The following AGPAT4 variants were observed in gnomAD, a reference collection of about 807,000 sequenced individuals.
The protein encoded by AGPAT4 is 1-acylglycerol-3-phosphate O-acyltransferase 4.
In AGPAT4, 15 loss-of-function variants were observed where a neutral mutation model predicts 48.0. The ratio of observed to expected loss-of-function variants is 0.31; its 90% CI spans 0.21 to 0.48. AGPAT4 has a LOEUF of 0.48. AGPAT4 is among the 20% of genes least tolerant of loss of function. AGPAT4 has a pLI of 0.99. For synonymous variants in AGPAT4, 178 were observed against 198.7 expected (o/e 0.90, Z 0.88); for missense variants, 314 against 482.5 (o/e 0.65, Z 3.27).
At position 161,134,447 on chromosome 6, in the gene AGPAT4, TGA is replaced by T. The variant is rs889538848; in HGVS notation, c.*2091_*2092del. 12 of 152,198 alleles carry T rather than the reference TGA, an allele frequency of 7.9e-5. No individual in the cohort carries two copies. The highest frequency in any genetic ancestry group is 2.9e-4 in the African/African-American group (12 of 41,448). 9.4% of individuals were successfully genotyped at this position (152,198 alleles called of 1,614,324 possible). A position where few individuals can be genotyped will look rare whatever the true frequency, so the allele number is the denominator to read the frequency against. On this transcript the variant is annotated 3_prime_UTR_variant, in exon 9 of 9. Coordinates refer to ENST00000320285, the MANE Select transcript of AGPAT4 (RefSeq NM_020133.3). ...CGACAAGAAAATTTCTGAGCATTTT[TGA>T]GAGTAGCAACATAGAGGCAGCTTTC...
intron 1 of AGPAT4, among the ~76,000 whole-genome samples, chr6:161,239,794 G>A (rs1301608540): frequency 6.6e-6 from 1 of 152,036 alleles, no homozygotes; most frequent in African/African-American, 2.4e-5. Flanking sequence ...AGGTAGAATG[G>A]GACCCCTAGC....
intron 2 of AGPAT4, among the ~76,000 whole-genome samples, chr6:161,209,078 C>G (rs1781455510): frequency 6.6e-6 from 1 of 152,162 alleles, no homozygotes; most frequent in Non-Finnish European, 1.5e-5. Flanking sequence ...GCCCATAAAT[C>G]AGCTTGAAAC....
rs908480040 is a variant in AGPAT4 at position 161,180,134 on chromosome 6, C to G, written c.179-13717G>C. Among the ~76,000 whole-genome samples the G allele has an allele frequency of 1.3e-5, 2 of 152,120 alleles. No homozygotes were observed. The highest frequency in any genetic ancestry group is 4.8e-5 in the African/African-American group (2 of 41,422). ...ATTCTGGTCAGGATCCCAGGGATGC[C>G]TATCCTCCCTGGAGACCCCAACAAT... On this transcript the variant is annotated intron_variant, in intron 2 of 8. Coordinates refer to ENST00000320285, the MANE Select transcript of AGPAT4 (RefSeq NM_020133.3). The surrounding 1 kb of genome is among the most constrained non-coding windows in gnomAD (Gnocchi z 6.4).
rs911891728 is a variant in AGPAT4 at position 161,139,769 on chromosome 6, C to T, written c.844-149G>A. ...GGTCTGCAGCTCCTTCCAGAAAGCACTTTGTAGGCAGCTGCTGTCTTCTCA... is the reference window on the plus strand; with the variant it reads ...GGTCTGCAGCTCCTTCCAGAAAGCATTTTGTAGGCAGCTGCTGTCTTCTCA... On this transcript the variant is annotated intron_variant, in intron 7 of 8. Transcript: ENST00000320285. This position sits in a 1 kb window ranked among gnomAD's most constrained non-coding sequence, Gnocchi z 9.1. The T allele has an allele frequency of 2.2e-5, 14 of 649,422 alleles. No individual in the cohort carries two copies. In the East Asian group the frequency reaches 3.9e-4, roughly 18 times the overall value. 40.2% of individuals were successfully genotyped at this position (649,422 alleles called of 1,614,324 possible). A position where few individuals can be genotyped will look rare whatever the true frequency, so the allele number is the denominator to read the frequency against.
chr6:161,153,633 A>G, intron 4 of AGPAT4, 134 bp from the exon 5 acceptor site: 2 of 1,117,842 alleles, frequency 1.8e-6, no homozygotes, highest in East Asian at 5.2e-5. Context: ...CCATGGTTAC[A>G]TACAGCCCTG....
Position 161,137,252 on chromosome 6 carries a change from C to T in AGPAT4, c.1043-618G>A, listed in dbSNP as rs540023494. Among the ~76,000 whole-genome samples, 3 of 152,316 alleles carry T rather than the reference C, an allele frequency of 2.0e-5. No homozygotes were observed. The highest frequency in any genetic ancestry group is 4.1e-4 in the South Asian group (2 of 4,828). On this transcript the variant is annotated intron_variant, in intron 8 of 8. Transcript: ENST00000320285. This position sits in a 1 kb window ranked among gnomAD's most constrained non-coding sequence, Gnocchi z 6.1. Reference sequence around the variant, plus strand: ...GAAGTTGCAATTTCAACTACACCCTCTGGAGCGGGCAGATGTGGTGAGGTC... The same window carrying T: ...GAAGTTGCAATTTCAACTACACCCTTTGGAGCGGGCAGATGTGGTGAGGTC...
intron 2 of AGPAT4, among the ~76,000 whole-genome samples, chr6:161,174,695 T>C (rs2114987254): frequency 6.6e-6 from 1 of 152,038 alleles, no homozygotes; most frequent in South Asian, 2.1e-4. Context: ...TGAATAGGAG[T>C]GGTGAGAGAG....
At position 161,142,056 on chromosome 6, in the gene AGPAT4, G is replaced by C. The variant is rs1779268939; in HGVS notation, c.844-2436C>G. Among the ~76,000 whole-genome samples, 1 of 152,186 alleles carries C rather than the reference G, an allele frequency of 6.6e-6. No homozygotes were observed. Among genetic ancestry groups the C allele is most frequent in the African/African-American group, 2.4e-5 (1 of 41,446 alleles). On this transcript the variant is annotated intron_variant, in intron 7 of 8. Transcript: ENST00000320285. This position sits in a 1 kb window ranked among gnomAD's most constrained non-coding sequence, Gnocchi z 6.4. ...TTTTGTAGAGATAGGGTTTTACCAT[G>C]TTGGCCAGGCTGGTATTGAACTCCT...
rs1228926231 is a variant in AGPAT4 at position 161,161,765 on chromosome 6, C to A, written c.348+4483G>T. The stretch of plus-strand genomic sequence containing the variant: ...CACGGTCTCCTAGAGAAACCACACA[C>A]AATCAACACTCACTGGACACGTATT... On this transcript the variant is annotated intron_variant, in intron 3 of 8. Coordinates refer to ENST00000320285, the MANE Select transcript of AGPAT4 (RefSeq NM_020133.3). This position sits in a 1 kb window ranked among gnomAD's most constrained non-coding sequence, Gnocchi z 4.6. The A allele has an allele frequency of 2.5e-5, 8 of 317,472 alleles. No homozygotes were observed. 19.7% of individuals were successfully genotyped at this position (317,472 alleles called of 1,614,324 possible). A position where few individuals can be genotyped will look rare whatever the true frequency, so the allele number is the denominator to read the frequency against.
chr6:161,135,143 C>T lies in AGPAT4; in HGVS notation c.*1397G>A, dbSNP rs1779025196. The T allele has an allele frequency of 6.6e-6, 1 of 152,206 alleles. No homozygotes were observed. The highest frequency in any genetic ancestry group is 1.5e-5 in the Non-Finnish European group (1 of 68,038). The allele number at this position is 152,206 out of a possible 1,614,324, so 9.4% of individuals were successfully genotyped here. A position where few individuals can be genotyped will look rare whatever the true frequency, so the allele number is the denominator to read the frequency against. The stretch of plus-strand genomic sequence containing the variant: ...CAAAAACATAACTGCATAGAATAGG[C>T]CTTATAATGTGTGGCCAGTTTTTGT... On this transcript the variant is annotated 3_prime_UTR_variant, in exon 9 of 9. Coordinates refer to ENST00000320285, the MANE Select transcript of AGPAT4 (RefSeq NM_020133.3).
In AGPAT4 at chr6:161,136,558, C is replaced by T. The variant is rs201810582; in HGVS notation, c.1119G>A (p.Lys373=). 29 of 1,614,170 alleles carry T rather than the reference C, an allele frequency of 1.8e-5. No homozygotes were observed. In the South Asian group the frequency reaches 2.6e-4, roughly 15 times the overall value. The change falls in exon 9 of 9, where the codon AAG becomes AAA. Residue 373 remains lysine (K), a synonymous_variant. Transcript: ENST00000320285. ...KGSAYGNSDS[K]QKLND is the part of the protein sequence containing the mutation. ...CCCTGAGTCAGTCATTCAGTTTCTG[C>T]TTGCTGTCAGAGTTGCCGTAGGCAG... is the stretch of plus-strand genomic sequence containing the variant.
At position 161,232,175 on chromosome 6, in the gene AGPAT4, G is replaced by C; in HGVS notation, c.39C>G (p.Cys13Trp). 1 of 1,614,142 alleles carries C rather than the reference G, an allele frequency of 6.2e-7. No homozygotes were observed. The highest frequency in any genetic ancestry group is 8.5e-7 in the Non-Finnish European group (1 of 1,180,028). ...LAGLLKSQFL[C>W]HLVFCYVFIA... ...TAAAGACGTAGCAGAAGACCAGGTG[G>C]CACAGGAACTGAGACTTCAGCAGTC... Residue 13 changes from cysteine (C) to tryptophan (W), a missense_variant, in exon 2 of 9, where the codon TGC (cysteine) becomes TGG (tryptophan). Coordinates refer to ENST00000320285, the MANE Select transcript of AGPAT4 (RefSeq NM_020133.3). This position sits in a 1 kb window ranked among gnomAD's most constrained non-coding sequence, Gnocchi z 6.8.
At position 161,270,935 on chromosome 6, in the gene AGPAT4, T is replaced by C. The variant is rs1199001391; in HGVS notation, c.-90+3003A>G. 1.3e-5 allele frequency among the ~76,000 whole-genome samples: 2 copies of C among 152,244 alleles called. No individual in the cohort carries two copies. Among genetic ancestry groups the C allele is most frequent in the African/African-American group, 4.8e-5 (2 of 41,454 alleles). ...ATGGCAATGGCAGGAATTATGAAGA[T>C]GACATTCCGGGTAAGTTCCTGGTTG... On this transcript the variant is annotated intron_variant, in intron 1 of 8. Coordinates refer to ENST00000320285, the MANE Select transcript of AGPAT4 (RefSeq NM_020133.3). This position sits in a 1 kb window ranked among gnomAD's most constrained non-coding sequence, Gnocchi z 5.3.
intron 1 of AGPAT4, among the ~76,000 whole-genome samples, chr6:161,250,880 T>G (rs1782788088): frequency 1.3e-5 from 2 of 152,230 alleles, no homozygotes; most frequent in South Asian, 4.1e-4. Flanking sequence ...AAGCTGCATG[T>G]TTTAAAGTAT....
Position 161,234,897 on chromosome 6 carries a change from C to A in AGPAT4, c.-89-2595G>T, listed in dbSNP as rs2115038557. Reference sequence around the variant, plus strand: ...GAATTCTTTTTTCCTTATAAAATTTCAAGGTAAATTGAAATTTTACCGTGC... The same window carrying A: ...GAATTCTTTTTTCCTTATAAAATTTAAAGGTAAATTGAAATTTTACCGTGC... On this transcript the variant is annotated intron_variant, in intron 1 of 8. Transcript: ENST00000320285. This position sits in a 1 kb window ranked among gnomAD's most constrained non-coding sequence, Gnocchi z 4.4. Among the ~76,000 whole-genome samples, 1 of 152,070 alleles carries A rather than the reference C, an allele frequency of 6.6e-6. No homozygotes were observed. The highest frequency in any genetic ancestry group is 2.1e-4 in the South Asian group (1 of 4,808).
chr6:161,174,091 C>T (rs1780358754), intron 2 of AGPAT4, among the ~76,000 whole-genome samples: 1 of 152,152 alleles, frequency 6.6e-6, no homozygotes, highest in Admixed American at 6.5e-5. Flanking sequence ...ATGCCTCCAG[C>T]TTTGTTCTTT....
intron 1 of AGPAT4, among the ~76,000 whole-genome samples, chr6:161,248,594 A>AAAAAAAAAAAAAAC (rs59741511): frequency 7.2e-6 from 1 of 138,554 alleles, no homozygotes; most frequent in Non-Finnish European, 1.5e-5. Flanking sequence ...AAAAAAAAAA[A>AAAAAAAAAAAAAAC]CTAGGAATAC....
intron 1 of AGPAT4, among the ~76,000 whole-genome samples, chr6:161,253,992 T>A (rs1243547715): frequency 6.6e-6 from 1 of 152,218 alleles, no homozygotes; most frequent in Admixed American, 6.5e-5. Flanking sequence ...ACCTCTGATT[T>A]TACTATATAT....
intron 2 of AGPAT4, among the ~76,000 whole-genome samples, chr6:161,168,212 C>T (rs925653726): frequency 3.9e-5 from 6 of 152,110 alleles, no homozygotes; most frequent in South Asian, 4.2e-4. Context: ...CCATGGGGCA[C>T]GAAGATGCCT....
Sources: gnomAD v4.1 joint callset for allele counts (sites outside exome capture counted in the v4.1 genomes callset) on GRCh38, gnomAD v4.1.1 for gene constraint, Gnocchi (gnomAD v3.1) non-coding constraint, MANE v1.5 for transcripts, NCBI Gene and HGNC (gene_info 2026-07-23, HGNC 2026-07-21) for gene names.